Variants in IQCB1 observed in about 807,000 individuals in gnomAD.
The protein encoded by IQCB1 is IQ motif containing B1, also known as IQ calmodulin-binding motif-containing protein 1.
A neutral mutation model predicts 84.4 loss-of-function variants in IQCB1; 56 were observed. The observed-to-expected ratio is 0.66, with a 90% CI of 0.54 to 0.83. The LOEUF (loss-of-function observed/expected upper bound fraction) is 0.83. Ranked by LOEUF, IQCB1 falls within the 40% of genes least tolerant of loss-of-function variation. The pLI, the probability that IQCB1 is intolerant of heterozygous loss-of-function variation, is 0.00. For synonymous variants in IQCB1, 210 were observed against 234.8 expected (o/e 0.89, Z 0.96); for missense variants, 629 against 682.1 (o/e 0.92, Z 0.87).
At chr3:121,794,298 T>C (rs963850018) in intron 10 of IQCB1, among the ~76,000 whole-genome samples, 4 of 152,180 alleles carry the variant, frequency 2.6e-5, no homozygotes, top group African/African-American at 9.6e-5. Flanking sequence ...TTTTTCCTTC[T>C]ATCATTTTTT....
chr3:121,823,468 G>T (rs1194517675), intron 5 of IQCB1, among the ~76,000 whole-genome samples: 1 of 152,026 alleles, frequency 6.6e-6, no homozygotes, highest in Non-Finnish European at 1.5e-5. Context: ...AGATAAAAAG[G>T]TGCAATATGT....
At chr3:121,815,246 C>T (rs1207700534) in intron 5 of IQCB1, among the ~76,000 whole-genome samples, 4 of 152,064 alleles carry the variant, frequency 2.6e-5, no homozygotes, top group South Asian at 2.1e-4. Context: ...AACTAGGTAT[C>T]GATGGAACAT....
intron 4 of IQCB1, among the ~76,000 whole-genome samples, chr3:121,828,175 T>C (rs932934105): frequency 2.6e-5 from 4 of 152,184 alleles, no homozygotes; most frequent in African/African-American, 9.6e-5. Flanking sequence ...CCTTAATTTC[T>C]TCACTTCTTT....
At chr3:121,786,170 C>CAAAAGAAAAAAAAAGAAAAG (rs1948712607) in intron 12 of IQCB1, among the ~76,000 whole-genome samples, 1 of 72,848 alleles carries the variant, frequency 1.4e-5, no homozygotes. Flanking sequence ...GATTCTGTCT[C>CAAAAGAAAAAAAAAGAAAAG]AAAAGAAAAG....
At chr3:121,824,051 T>C (rs2331964) in intron 5 of IQCB1, among the ~76,000 whole-genome samples, 95,945 of 151,924 alleles carry the variant, frequency 0.63, 30,698 homozygotes, top group African/African-American at 0.67. Flanking sequence ...TCAGACTAGA[T>C]GAAAAAGCAA....
chr3:121,787,479 G>A (rs537614113), intron 12 of IQCB1, among the ~76,000 whole-genome samples: 75 of 152,324 alleles, frequency 4.9e-4, no homozygotes, highest in African/African-American at 1.6e-3. Flanking sequence ...GAGGCCGGGA[G>A]CGGTGGCTCA....
intron 9 of IQCB1, among the ~76,000 whole-genome samples, chr3:121,796,113 T>C (rs1949184349): frequency 6.6e-6 from 1 of 152,128 alleles, no homozygotes; most frequent in Non-Finnish European, 1.5e-5. Context: ...GTACAACTAT[T>C]AATAATAAAA....
At chr3:121,823,660 C>T (rs560567629) in intron 5 of IQCB1, among the ~76,000 whole-genome samples, 42 of 152,082 alleles carry the variant, frequency 2.8e-4, no homozygotes, top group African/African-American at 9.2e-4. Flanking sequence ...TTTCAGATAA[C>T]CAAAAAGCTG....
chr3:121,782,183 GAT>G (rs1948524039), intron 12 of IQCB1, among the ~76,000 whole-genome samples: 1 of 152,196 alleles, frequency 6.6e-6, no homozygotes, highest in Admixed American at 6.5e-5. Context: ...CAAGGCACTT[GAT>G]CTCTAGAGGA....
rs202164315 is a variant in IQCB1, at chr3:121,799,326, A to C, written c.636T>G (p.Asp212Glu). The C allele has an allele frequency of 3.7e-6, 6 of 1,603,342 alleles. No individual in the cohort carries two copies. Among genetic ancestry groups the C allele is most frequent in the Non-Finnish European group, 5.1e-6 (6 of 1,171,436 alleles). ...IGRKALYSILDEVIFKLFSTP... is the reference protein window; with the variant it reads ...IGRKALYSILEEVIFKLFSTP... ...TTGAAAAAAGCTTGAAAATAACTTC[A>C]TCTAAAATTGAATACAGGGCTTTTC... is the stretch of plus-strand genomic sequence containing the variant. Residue 212 changes from aspartate to glutamate, a missense_variant, in exon 8 of 15, where the codon GAT becomes GAG. Transcript: ENST00000310864.
chr3:121,781,456 A>C lies in IQCB1; in HGVS notation c.1410+287T>G, dbSNP rs6809737. ...AGGTTCAAAATAGTCCAAGTTTTAC[A>C]GTACTATTGCAAAAGAAGCAATGAA... On this transcript the variant is annotated intron_variant, in intron 13 of 14. Coordinates refer to ENST00000310864, the MANE Select transcript of IQCB1 (RefSeq NM_001023570.4). Among the ~76,000 whole-genome samples, 97,702 of 151,830 alleles carry C rather than the reference A, an allele frequency of 0.64. 31,897 individuals carry two copies. The highest frequency in any genetic ancestry group is 0.71 in the African/African-American group (29,544 of 41,376).
intron 5 of IQCB1, among the ~76,000 whole-genome samples, chr3:121,818,568 G>C (rs916775721): frequency 6.6e-6 from 1 of 152,174 alleles, no homozygotes; most frequent in Non-Finnish European, 1.5e-5. Flanking sequence ...GTAGTTATTA[G>C]ACAACTTGAA....
chr3:121,786,769 C>T (rs1387948749), intron 12 of IQCB1, among the ~76,000 whole-genome samples: 2 of 152,102 alleles, frequency 1.3e-5, no homozygotes, highest in African/African-American at 4.8e-5. Flanking sequence ...ATGACCCCTA[C>T]TTTTTTCTCT....
Position 121,828,497 on chromosome 3 carries a change from G to A in IQCB1, c.236C>T (p.Thr79Ile), listed in dbSNP as rs772361652. 1.2e-6 allele frequency: 2 copies of A among 1,613,178 alleles called. No individual in the cohort carries two copies. Among genetic ancestry groups the A allele is most frequent in the South Asian group, 1.1e-5 (1 of 91,070 alleles). The change falls in exon 4 of 15, where the codon ACA (threonine) becomes ATA (isoleucine). Residue 79 changes from threonine to isoleucine, a missense_variant. Coordinates refer to ENST00000310864, the MANE Select transcript of IQCB1 (RefSeq NM_001023570.4). ...TAATATCTGTGTAAGCTGGGAAATT[G>A]TAGTCCAACCACCCTGGATTCGAGA... The part of the protein sequence containing the change: ...DYSRIQGGWT[T>I]ISQLTQILSH...
At chr3:121,833,938 T>C (rs1179435332) in intron 2 of IQCB1, 2 of 152,220 alleles carry the variant, frequency 1.3e-5, no homozygotes, top group African/African-American at 4.8e-5. Flanking sequence ...TTAACTCATT[T>C]AATCATTCCA....
intron 5 of IQCB1, among the ~76,000 whole-genome samples, chr3:121,814,788 A>T (rs1237258231): frequency 6.6e-6 from 1 of 152,234 alleles, no homozygotes; most frequent in Non-Finnish European, 1.5e-5. Context: ...AACCAAAAAA[A>T]GCCCAGGACC....
chr3:121,802,990 C>T (rs765433918), intron 7 of IQCB1, among the ~76,000 whole-genome samples: 2 of 152,170 alleles, frequency 1.3e-5, no homozygotes, highest in African/African-American at 2.4e-5. Context: ...TTCTTGGCAT[C>T]AATTTCCAAC....
At chr3:121,794,541 AAATT>A (rs992120808) in intron 10 of IQCB1, among the ~76,000 whole-genome samples, 4 of 152,108 alleles carry the variant, frequency 2.6e-5, no homozygotes, top group Admixed American at 6.5e-5. Context: ...ATATATTTAA[AAATT>A]AATTCTTTTC....
intron 10 of IQCB1, among the ~76,000 whole-genome samples, 195 bp downstream of exon 10, chr3:121,795,262 A>G (rs1354659544): frequency 6.6e-6 from 1 of 152,082 alleles, no homozygotes; most frequent in Non-Finnish European, 1.5e-5. Context: ...TTGACACATC[A>G]GATTCCTGTC....
Sources: allele counts gnomAD v4.1 joint callset (sites outside exome capture counted in the v4.1 genomes callset), GRCh38; gene constraint gnomAD v4.1.1; transcripts MANE v1.5; gene names NCBI Gene and HGNC (gene_info 2026-07-23, HGNC 2026-07-21).